The following GPR160 variants were observed in gnomAD, a reference collection of about 807,000 sequenced individuals.
GPR160 encodes probable G protein-coupled receptor 160.
Under a neutral mutation model 2.6 loss-of-function variants are expected in GPR160, and 2 were observed. That is an observed-to-expected ratio of 0.77 (90% CI 0.32 to 2.44). The LOEUF (loss-of-function observed/expected upper bound fraction) is 2.44, where lower values mean the gene tolerates loss of function less well. GPR160 is among the 30% of genes most tolerant of loss of function. GPR160 has a pLI of 0.11. For missense variants in GPR160, 351 were observed against 383.6 expected (o/e 0.91, Z 0.71); for synonymous variants, 130 against 132.2 (o/e 0.98, Z 0.12).
At position 170,084,654 on chromosome 3, in the gene GPR160, T is replaced by A; in HGVS notation, c.682T>A (p.Ser228Thr). 3 of 1,610,334 alleles carry A rather than the reference T, an allele frequency of 1.9e-6. No individual in the cohort carries two copies. Among genetic ancestry groups the A allele is most frequent in the Non-Finnish European group, 2.5e-6 (3 of 1,176,820 alleles). ...NETILYFPFS[S>T]HSSYTVRSKK... ...AACTATCTTATATTTTCCTTTTTCA[T>A]CCCACTCCAGTTATACTGTGAGATC... The change falls in exon 4 of 4, where the codon TCC becomes ACC. Residue 228 changes from serine to threonine, a missense_variant. Ser to Thr is a moderately conservative substitution (Grantham distance 58). Transcript: ENST00000355897.
chr3:170,042,880 C>A (rs1278076279), intron 2 of GPR160, among the ~76,000 whole-genome samples: 2 of 126,022 alleles, frequency 1.6e-5, no homozygotes, highest in East Asian at 6.0e-4. Context: ...GTAGTCTTCA[C>A]ACACTTTTTT....
At chr3:170,077,204 T>C (rs1008486225) in intron 2 of GPR160, 3 of 152,230 alleles carry the variant, frequency 2.0e-5, no homozygotes, top group African/African-American at 7.2e-5. Flanking sequence ...AGAATGTTCA[T>C]GTTCACAGCG....
intron 2 of GPR160, among the ~76,000 whole-genome samples, chr3:170,060,339 C>T (rs1168865504): frequency 6.6e-6 from 1 of 152,208 alleles, no homozygotes; most frequent in Non-Finnish European, 1.5e-5. Context: ...TATTTTACAA[C>T]TCCCAGTGTG....
At chr3:170,054,867 C>T (rs1033893258) in intron 2 of GPR160, among the ~76,000 whole-genome samples, 2 of 151,436 alleles carry the variant, frequency 1.3e-5, no homozygotes, top group African/African-American at 4.9e-5. Context: ...GATCTTGGCT[C>T]ACTGCAACCT....
At chr3:170,066,382 G>T (rs1197434416) in intron 2 of GPR160, among the ~76,000 whole-genome samples, 1 of 151,524 alleles carries the variant, frequency 6.6e-6, no homozygotes, top group African/African-American at 2.4e-5. Flanking sequence ...CTCATGATTC[G>T]CCCGCCTCGG....
At chr3:170,063,157 T>C (rs1712068793) in intron 2 of GPR160, 2 of 153,308 alleles carry the variant, frequency 1.3e-5, no homozygotes, top group African/African-American at 4.8e-5. Flanking sequence ...ACCAAAACTT[T>C]TACATTCTAG....
chr3:170,078,404 C>T (rs1265564358), intron 2 of GPR160, among the ~76,000 whole-genome samples: 1 of 152,122 alleles, frequency 6.6e-6, no homozygotes, highest in Non-Finnish European at 1.5e-5. Context: ...GGAAAAAGGA[C>T]AAGGGATACA....
At position 170,039,043 on chromosome 3, in the gene GPR160, G is replaced by C. The variant is rs1182892750; in HGVS notation, c.-193G>C. On this transcript the variant is annotated splice_region_variant and 5_prime_UTR_variant, in exon 2 of 4. Transcript: ENST00000355897. ...GTCCTACACTTGCGCAAATGTCTCC[G>C]GTAAGGGGAAGTGTCGCTTAAATCC... 6.6e-6 allele frequency: 1 copy of C among 151,904 alleles called. No individual in the cohort carries two copies. Among genetic ancestry groups the C allele is most frequent in the Non-Finnish European group, 1.5e-5 (1 of 67,994 alleles). The allele number at this position is 151,904 out of a possible 1,614,324, so 9.4% of individuals were successfully genotyped here.
At chr3:170,049,924 G>A (rs1716881101) in intron 2 of GPR160, 1 of 152,276 alleles carries the variant, frequency 6.6e-6, no homozygotes, top group Non-Finnish European at 1.5e-5. Flanking sequence ...GAATGTGCCG[G>A]ACCTGATTGC....
At chr3:170,064,206 T>TG (rs1712167965) in intron 2 of GPR160, among the ~76,000 whole-genome samples, 2 of 152,344 alleles carry the variant, frequency 1.3e-5, no homozygotes, top group Non-Finnish European at 2.9e-5. Flanking sequence ...TTAATACCCC[T>TG]GCCAGTTTTC....
intron 3 of GPR160, among the ~76,000 whole-genome samples, chr3:170,082,292 A>G (rs997459223): frequency 2.6e-5 from 4 of 152,218 alleles, no homozygotes; most frequent in Non-Finnish European, 4.4e-5. Flanking sequence ...ACATGTACCA[A>G]ATTCACAAGG....
intron 2 of GPR160, among the ~76,000 whole-genome samples, chr3:170,042,805 C>T (rs1422281490): frequency 7.4e-6 from 1 of 135,364 alleles, no homozygotes; most frequent in African/African-American, 2.8e-5. Flanking sequence ...CCAGCCTGGA[C>T]GATAGGGCAA....
At chr3:170,071,419 C>T (rs1712588365) in intron 2 of GPR160, among the ~76,000 whole-genome samples, 1 of 152,206 alleles carries the variant, frequency 6.6e-6, no homozygotes, top group Non-Finnish European at 1.5e-5. Flanking sequence ...TGGTTGTAAA[C>T]TTCCTGAGGC....
At chr3:170,040,359 C>T (rs1716395010) in intron 2 of GPR160, among the ~76,000 whole-genome samples, 1 of 152,152 alleles carries the variant, frequency 6.6e-6, no homozygotes, top group African/African-American at 2.4e-5. Flanking sequence ...CAAGGTCTTC[C>T]GCAGACGCTC....
At chr3:170,052,559 AT>A (rs1256220510) in intron 2 of GPR160, among the ~76,000 whole-genome samples, 2 of 151,886 alleles carry the variant, frequency 1.3e-5, no homozygotes, top group African/African-American at 2.4e-5. Flanking sequence ...TATTTTGCCC[AT>A]TTTTGTTTGA....
intron 2 of GPR160, among the ~76,000 whole-genome samples, chr3:170,043,857 C>T (rs1471857830): frequency 6.6e-6 from 1 of 151,950 alleles, no homozygotes; most frequent in East Asian, 1.9e-4. Context: ...TCTGCCCTAA[C>T]GATTCCCAAC....
intron 3 of GPR160, among the ~76,000 whole-genome samples, chr3:170,081,733 T>A (rs12497114): frequency 0.15 from 22,066 of 152,018 alleles, 1,695 homozygotes; most frequent in East Asian, 0.21. Context: ...CCCACCCTCC[T>A]CCCTCAAGTA....
In GPR160 at chr3:170,085,026, T is replaced by C. The variant is rs1713357413; in HGVS notation, c.*37T>C. The C allele has an allele frequency of 8.8e-7, 1 of 1,141,846 alleles. No homozygotes were observed. The highest frequency in any genetic ancestry group is 1.6e-5 in the African/African-American group (1 of 62,654). The allele number at this position is 1,141,846 out of a possible 1,614,324, so 70.7% of individuals were successfully genotyped here. ...AAAAGTTACAGCTGTCATAAGATCA[T>C]AATTTTATGAACAGAAAGAACTCAG... On this transcript the variant is annotated 3_prime_UTR_variant, in exon 4 of 4. Coordinates refer to ENST00000355897, the MANE Select transcript of GPR160 (RefSeq NM_014373.3).
chr3:170,070,272 A>G (rs565649861), intron 2 of GPR160, among the ~76,000 whole-genome samples: 2 of 152,362 alleles, frequency 1.3e-5, no homozygotes, highest in South Asian at 4.1e-4. Flanking sequence ...CCTATAGAGC[A>G]TACCACCATG....
Sources: allele counts gnomAD v4.1 joint callset (sites outside exome capture counted in the v4.1 genomes callset), GRCh38; gene constraint gnomAD v4.1.1; transcripts MANE v1.5; gene names NCBI Gene and HGNC (gene_info 2026-07-23, HGNC 2026-07-21).